UGGT2: variants seen among roughly 807,000 people sequenced by gnomAD.
UGGT2 encodes the protein UDP-glucose:glycoprotein glucosyltransferase 2.
A neutral mutation model predicts 192.1 loss-of-function variants in UGGT2; 180 were observed. The ratio of observed to expected loss-of-function variants is 0.94; its 90% CI spans 0.83 to 1.06. The LOEUF (loss-of-function observed/expected upper bound fraction) is 1.06, where lower values mean the gene tolerates loss of function less well. Ranked by LOEUF, UGGT2 falls within the 50% of genes least tolerant of loss-of-function variation. UGGT2 has a pLI of 0.00. For missense variants in UGGT2, 1,849 were observed against 1,795.7 expected (o/e 1.03, Z -0.54); for synonymous variants, 580 against 591.0 (o/e 0.98, Z 0.27).
At chr13:95,962,191 A>G (rs1383695767) in intron 12 of UGGT2, among the ~76,000 whole-genome samples, 1 of 152,186 alleles carries the variant, frequency 6.6e-6, no homozygotes, top group East Asian at 1.9e-4. Context: ...AAGCAAGAAC[A>G]AACCCAAAAT....
chr13:95,942,221 G>GGTGTGTGTGTGTGTGTGT (rs370041064), intron 15 of UGGT2, among the ~76,000 whole-genome samples: 18 of 118,078 alleles, frequency 1.5e-4, no homozygotes, highest in South Asian at 5.3e-4. Context: ...TTAGGGTGAG[G>GGTGTGTGTGTGTGTGTGT]GTGTGTGTGT....
Position 95,925,699 on chromosome 13 carries a change from A to G in UGGT2, c.2276T>C (p.Phe759Ser), listed in dbSNP as rs1408185752. 2 of 1,569,356 alleles carry G rather than the reference A, an allele frequency of 1.3e-6. No individual in the cohort carries two copies. The highest frequency in any genetic ancestry group is 1.7e-6 in the Non-Finnish European group (2 of 1,154,638). Residue 759 changes from phenylalanine to serine, a missense_variant, in exon 20 of 39, where the codon TTT becomes TCT. Transcript: ENST00000376747. ...FDKPSGRKLL[F>S]NALKHMKTSV... ...ACTCACCATGTGCTTTAATGCATTA[A>G]AAAGAAGTTTTCTCCCAGAAGGCTT...
chr13:95,835,301 C>G, intron 37 of UGGT2, among the ~76,000 whole-genome samples: 1 of 152,132 alleles, frequency 6.6e-6, no homozygotes, highest in Non-Finnish European at 1.5e-5. Flanking sequence ...AGGTCTGCTG[C>G]TGGAATGAGT....
chr13:95,829,518 C>A (rs1464326745), intron 38 of UGGT2, among the ~76,000 whole-genome samples: 1 of 152,150 alleles, frequency 6.6e-6, no homozygotes, highest in African/African-American at 2.4e-5. Flanking sequence ...CATTCCTATA[C>A]ACCATTAACA....
rs758763708 is a variant in UGGT2 at position 95,877,408 on chromosome 13, A to ATT, written c.3388-45_3388-44insAA. 5.4e-5 allele frequency: 79 copies of ATT among 1,474,886 alleles called. No individual in the cohort carries two copies. In the African/African-American group the frequency reaches 1.1e-3, roughly 20 times the overall value. 91.4% of individuals were successfully genotyped at this position (1,474,886 alleles called of 1,614,324 possible). ...AATAATCATTGAGTAATATGACTAA[A>ATT]AACCATCGAATTGCTCATGAATACA... On this transcript the variant is annotated intron_variant, in intron 28 of 38. Transcript: ENST00000376747.
intron 29 of UGGT2, among the ~76,000 whole-genome samples, chr13:95,871,310 T>C (rs970746651): frequency 6.6e-6 from 1 of 152,224 alleles, no homozygotes; most frequent in East Asian, 1.9e-4. Context: ...AATATGCAGA[T>C]TGCCCCTCAG....
chr13:95,928,497 C>T lies in UGGT2; in HGVS notation c.1978-1161G>A, dbSNP rs558256224. ...CTCAGACGGGGCAGCCGGTCAGAGA[C>T]GCTCCTCACCTCTCAGACGGGGTGG... On this transcript the variant is annotated intron_variant, in intron 17 of 38. Transcript: ENST00000376747. Among the ~76,000 whole-genome samples the T allele has an allele frequency of 2.7e-3, 398 of 149,464 alleles. 2 individuals carry two copies. The highest frequency in any genetic ancestry group is 4.3e-3 in the Non-Finnish European group (292 of 67,628).
chr13:95,907,633 C>T (rs909530125), intron 20 of UGGT2, among the ~76,000 whole-genome samples: 4 of 152,198 alleles, frequency 2.6e-5, no homozygotes, highest in Admixed American at 2.6e-4. Context: ...CTCCAGGAAA[C>T]TCCAACAGAC....
At chr13:95,916,284 A>G (rs980624222) in intron 20 of UGGT2, among the ~76,000 whole-genome samples, 17 of 152,168 alleles carry the variant, frequency 1.1e-4, no homozygotes, top group African/African-American at 4.1e-4. Flanking sequence ...TCTGGAGTGA[A>G]CCCTCAGCAA....
intron 36 of UGGT2, among the ~76,000 whole-genome samples, chr13:95,852,511 T>C (rs1176544401): frequency 6.6e-6 from 1 of 152,184 alleles, no homozygotes; most frequent in Non-Finnish European, 1.5e-5. Context: ...TTAAATATTA[T>C]TTTTAAAATT....
intron 36 of UGGT2, among the ~76,000 whole-genome samples, chr13:95,850,266 T>C (rs150216588): frequency 0.025 from 3,853 of 152,286 alleles, 69 homozygotes; most frequent in Middle Eastern, 0.051. Flanking sequence ...AAGTAGTCTA[T>C]AGTTGGAGTA....
chr13:95,893,068 A>G (rs896520180), intron 24 of UGGT2, among the ~76,000 whole-genome samples: 3 of 152,168 alleles, frequency 2.0e-5, no homozygotes, highest in Non-Finnish European at 2.9e-5. Context: ...AGGGCTGGGG[A>G]AAAAATATAA....
chr13:95,825,274 C>G (rs1472299337), intron 38 of UGGT2, among the ~76,000 whole-genome samples: 1 of 152,102 alleles, frequency 6.6e-6, no homozygotes, highest in East Asian at 1.9e-4. Flanking sequence ...GGGTAGGAAC[C>G]TGTTGTAGCT....
chr13:95,806,714 G>A lies in UGGT2; in HGVS notation c.4529-4902C>T, dbSNP rs553921419. 2.0e-3 allele frequency among the ~76,000 whole-genome samples: 311 copies of A among 152,174 alleles called. 1 individual carries two copies. Among genetic ancestry groups the A allele is most frequent in the Admixed American group, 4.5e-3 (68 of 15,276 alleles). On this transcript the variant is annotated intron_variant, in intron 38 of 38. Coordinates refer to ENST00000376747, the MANE Select transcript of UGGT2 (RefSeq NM_020121.4). ...GAGACATATAGACTAAAGGAATAGA[G>A]AGCCCAGAAATAAATCCTTGCATAT...
chr13:95,846,547 A>G (rs1006694660), intron 36 of UGGT2, among the ~76,000 whole-genome samples: 6 of 152,184 alleles, frequency 3.9e-5, no homozygotes, highest in African/African-American at 1.4e-4. Context: ...TTCCTTTCTT[A>G]TAATATCTTT....
At chr13:95,956,422 A>G (rs2140664703) in intron 12 of UGGT2, among the ~76,000 whole-genome samples, 1 of 152,340 alleles carries the variant, frequency 6.6e-6, no homozygotes, top group East Asian at 1.9e-4. Flanking sequence ...ATATCTGATA[A>G]GGAATTAATA....
At chr13:96,050,077 C>T (rs534969439) in intron 1 of UGGT2, among the ~76,000 whole-genome samples, 50 of 152,300 alleles carry the variant, frequency 3.3e-4, no homozygotes, top group African/African-American at 1.2e-3. Context: ...TGACTTCAAA[C>T]TATACTATAA....
rs1566592542 is a variant in UGGT2, at chr13:95,854,312, T to G, written c.4169+3A>C. The G allele has an allele frequency of 6.2e-7, 1 of 1,608,806 alleles. No homozygotes were observed. Among genetic ancestry groups the G allele is most frequent in the Non-Finnish European group, 8.5e-7 (1 of 1,178,204 alleles). Reference sequence around the variant, plus strand: ...TAAATGGTAAGGGTCTGACTTTTCTTACCTGATATGGTATTTCCGTCTTAA... The same window carrying G: ...TAAATGGTAAGGGTCTGACTTTTCTGACCTGATATGGTATTTCCGTCTTAA... On this transcript the variant is annotated splice_donor_region_variant and intron_variant, in intron 35 of 38. Transcript: ENST00000376747.
Position 95,931,583 on chromosome 13 carries a change from C to T in UGGT2, c.1978-4247G>A, listed in dbSNP as rs866414537. On this transcript the variant is annotated intron_variant, in intron 17 of 38. Transcript: ENST00000376747. ...GGGTGGGGGGGAGGCTCAGGCATGGCGGGCTGCGGGTCCCAAGCCCTGACC... is the reference window on the plus strand; with the variant it reads ...GGGTGGGGGGGAGGCTCAGGCATGGTGGGCTGCGGGTCCCAAGCCCTGACC... Among the ~76,000 whole-genome samples the T allele has an allele frequency of 4.8e-3, 730 of 151,982 alleles. 5 individuals are homozygous for T. Among genetic ancestry groups the T allele is most frequent in the African/African-American group, 0.016 (683 of 41,486 alleles).
Sources: allele counts gnomAD v4.1 joint callset (sites outside exome capture counted in the v4.1 genomes callset), GRCh38; gene constraint gnomAD v4.1.1; transcripts MANE v1.5; gene names NCBI Gene and HGNC (gene_info 2026-07-23, HGNC 2026-07-21).